The following CNBD1 variants were observed in gnomAD, a reference collection of about 807,000 sequenced individuals.
CNBD1 encodes cyclic nucleotide-binding domain-containing protein 1.
CNBD1 carries 71 observed loss-of-function variants against 54.4 expected under a neutral mutation model. The observed-to-expected ratio is 1.30, with a 90% CI of 1.08 to 1.59. The LOEUF is 1.59. Among genes scored for constraint, CNBD1 ranks in the 40% most tolerant of loss-of-function variants. CNBD1 has a pLI of 0.00. For missense variants in CNBD1, 659 were observed against 518.0 expected (o/e 1.27, Z -2.64); for synonymous variants, 182 against 170.7 (o/e 1.07, Z -0.51).
chr8:87,121,360 T>G (rs1811885840), intron 4 of CNBD1, among the ~76,000 whole-genome samples: 1 of 151,788 alleles, frequency 6.6e-6, no homozygotes, highest in Admixed American at 6.6e-5. Context: ...TTAGCACTCT[T>G]AAATAAAAAT....
chr8:86,909,012 T>C (rs1468142591), intron 3 of CNBD1, among the ~76,000 whole-genome samples: 1 of 152,150 alleles, frequency 6.6e-6, no homozygotes, highest in Non-Finnish European at 1.5e-5. Flanking sequence ...CGCCTTGGCC[T>C]CTCAAAGTGC....
chr8:87,371,969 T>C (rs1048873440), intron 10 of CNBD1, among the ~76,000 whole-genome samples: 3 of 151,776 alleles, frequency 2.0e-5, no homozygotes, highest in African/African-American at 4.8e-5. Flanking sequence ...TTCAACATAG[T>C]GTTGGAAGTT....
chr8:86,950,311 A>G (rs1001536115), intron 4 of CNBD1, among the ~76,000 whole-genome samples: 1 of 151,716 alleles, frequency 6.6e-6, no homozygotes, highest in Non-Finnish European at 1.5e-5. Context: ...CTCATGATCC[A>G]CCTGTCTCAG....
chr8:87,266,474 A>G (rs1808262195), intron 6 of CNBD1, among the ~76,000 whole-genome samples: 1 of 72,096 alleles, frequency 1.4e-5, no homozygotes, highest in Non-Finnish European at 2.8e-5. Flanking sequence ...TTTTTGAGAC[A>G]GAGTTTTGCT....
At chr8:86,929,960 T>A (rs927412457) in intron 3 of CNBD1, among the ~76,000 whole-genome samples, 5 of 152,272 alleles carry the variant, frequency 3.3e-5, no homozygotes, top group African/African-American at 1.2e-4. Context: ...CTGTGACATA[T>A]AAAGAGAAGT....
At chr8:87,417,998 G>T (rs74718977) in intron 2 of CNBD1, among the ~76,000 whole-genome samples, 1 of 151,812 alleles carries the variant, frequency 6.6e-6, no homozygotes, top group African/African-American at 2.4e-5. Flanking sequence ...CTACAGATTT[G>T]CCATAATTCC....
chr8:87,192,691 G>T (rs1162412265), intron 4 of CNBD1, among the ~76,000 whole-genome samples: 3 of 152,142 alleles, frequency 2.0e-5, no homozygotes, highest in African/African-American at 7.2e-5. Context: ...GAAAACCTTG[G>T]ATTCCCTGTA....
At chr8:87,218,003 T>G (rs1028276848) in intron 5 of CNBD1, among the ~76,000 whole-genome samples, 2 of 152,122 alleles carry the variant, frequency 1.3e-5, no homozygotes, top group Non-Finnish European at 2.9e-5. Flanking sequence ...CACCTTCTTT[T>G]GGTGGTATAG....
intron 8 of CNBD1, among the ~76,000 whole-genome samples, chr8:87,329,489 G>T (rs1809769365): frequency 6.6e-6 from 1 of 152,068 alleles, no homozygotes; most frequent in African/African-American, 2.4e-5. Flanking sequence ...ATATTATTTT[G>T]GGAAAGTCTA....
Position 87,428,485 on chromosome 8 carries a change from C to CTCTA in CNBD1, c.214-58_214-57insATCT, listed in dbSNP as rs1554589781. ...TTGATAAAAATAGGATTAGCAATTGCTCTTTTTATGAAGATTATTTTTTTA... is the reference window on the plus strand; with the variant it reads ...TTGATAAAAATAGGATTAGCAATTGCTCTATCTTTTTATGAAGATTATTTTTTTA... On this transcript the variant is annotated intron_variant, in intron 2 of 7. Coordinates refer to the CNBD1 transcript ENST00000521593. 6.6e-4 allele frequency: 118 copies of CTCTA among 177,736 alleles called. 1 individual carries two copies. The African/African-American group carries it at 7.9e-3, about 12-fold the overall frequency. 11.0% of individuals were successfully genotyped at this position (177,736 alleles called of 1,614,324 possible). A position where few individuals can be genotyped will look rare whatever the true frequency, so the allele number is the denominator to read the frequency against.
At chr8:86,950,102 C>G (rs1232949537) in intron 4 of CNBD1, among the ~76,000 whole-genome samples, 11 of 140,424 alleles carry the variant, frequency 7.8e-5, no homozygotes, top group African/African-American at 2.7e-4. Flanking sequence ...CGCTCTGTCC[C>G]CCAGGCTGGA....
chr8:86,923,191 C>T (rs1352285416), intron 3 of CNBD1, among the ~76,000 whole-genome samples: 1 of 152,102 alleles, frequency 6.6e-6, no homozygotes, highest in Non-Finnish European at 1.5e-5. Flanking sequence ...GGCTCAAGGG[C>T]CCAGTTACAA....
At chr8:87,092,577 A>G (rs76542527) in intron 4 of CNBD1, among the ~76,000 whole-genome samples, 23 of 71,490 alleles carry the variant, frequency 3.2e-4, no homozygotes, top group African/African-American at 8.6e-4. Flanking sequence ...GTGTGTGTGT[A>G]TATATATATG....
At chr8:87,389,259 G>C (rs1215662551) in intron 2 of CNBD1, among the ~76,000 whole-genome samples, 1 of 152,148 alleles carries the variant, frequency 6.6e-6, no homozygotes. Context: ...AGGGCAATCA[G>C]GCAGGAGAAG....
intron 4 of CNBD1, among the ~76,000 whole-genome samples, chr8:87,143,172 T>C (rs553873836): frequency 3.0e-4 from 45 of 152,296 alleles, no homozygotes; most frequent in African/African-American, 1.0e-3. Context: ...GTTCACCTGC[T>C]TTTGTAGCTA....
chr8:87,356,113 C>A (rs549602395), intron 10 of CNBD1, among the ~76,000 whole-genome samples: 26 of 152,170 alleles, frequency 1.7e-4, no homozygotes, highest in Admixed American at 1.5e-3. Context: ...TAGACCCTGG[C>A]AAACTGTGAG....
chr8:86,926,112 A>G (rs982325240), intron 3 of CNBD1, among the ~76,000 whole-genome samples: 1 of 152,072 alleles, frequency 6.6e-6, no homozygotes, highest in Non-Finnish European at 1.5e-5. Context: ...GGTGAGTTTT[A>G]CAGAGCGCTG....
chr8:86,871,396 A>G (rs745470822), intron 1 of CNBD1, among the ~76,000 whole-genome samples: 2 of 152,186 alleles, frequency 1.3e-5, no homozygotes, highest in Non-Finnish European at 2.9e-5. Context: ...TCCTTCCAAC[A>G]TATACTGTGA....
chr8:87,038,760 C>G (rs1327916325), intron 4 of CNBD1, among the ~76,000 whole-genome samples: 1 of 152,152 alleles, frequency 6.6e-6, no homozygotes, highest in Non-Finnish European at 1.5e-5. Context: ...TAGCTTGGCC[C>G]AAGCCCTCTA....
Sources: allele counts gnomAD v4.1 joint callset (sites outside exome capture counted in the v4.1 genomes callset), GRCh38; gene constraint gnomAD v4.1.1; transcripts MANE v1.5; gene names NCBI Gene and HGNC (gene_info 2026-07-23, HGNC 2026-07-21).